Variants in TCF12 observed in about 807,000 individuals in gnomAD.
TCF12 encodes the protein DNA-binding protein HTF4.
In TCF12, 45 loss-of-function variants were observed where a neutral mutation model predicts 86.0. The observed-to-expected ratio is 0.52, with a 90% CI of 0.41 to 0.67. The LOEUF is 0.67. Ranked by LOEUF, TCF12 falls within the 30% of genes least tolerant of loss-of-function variation. The pLI is 0.00. For missense variants in TCF12, 881 were observed against 859.9 expected (o/e 1.02, Z -0.31); for synonymous variants, 330 against 299.6 (o/e 1.10, Z -1.05).
intron 3 of TCF12, among the ~76,000 whole-genome samples, chr15:57,021,979 A>G (rs993061377): frequency 6.6e-6 from 1 of 152,140 alleles, no homozygotes; most frequent in Admixed American, 6.5e-5. Flanking sequence ...GTGATTTCAA[A>G]TAGTTTAACT....
intron 3 of TCF12, among the ~76,000 whole-genome samples, chr15:57,045,374 GAA>G (rs1397199251): frequency 6.6e-6 from 1 of 152,126 alleles, no homozygotes; most frequent in Non-Finnish European, 1.5e-5. Context: ...ATGAAAGTAG[GAA>G]AAGAGTTGAT....
At chr15:56,964,144 TCTC>T (rs2061896737) in intron 3 of TCF12, among the ~76,000 whole-genome samples, 5 of 152,216 alleles carry the variant, frequency 3.3e-5, no homozygotes. Flanking sequence ...GGTTTTCTCT[TCTC>T]AAGTCTGCTG....
At chr15:56,954,712 A>T (rs140285571) in intron 3 of TCF12, among the ~76,000 whole-genome samples, 1,542 of 152,344 alleles carry the variant, frequency 0.01, 22 homozygotes, top group East Asian at 0.061. Context: ...AAGGAACTCA[A>T]ACAAATTTAC....
At chr15:57,205,812 T>C (rs2057782528) in intron 8 of TCF12, among the ~76,000 whole-genome samples, 1 of 152,212 alleles carries the variant, frequency 6.6e-6, no homozygotes, top group South Asian at 2.1e-4. Context: ...TCTAAGATGT[T>C]GATTTTTGTG....
intron 8 of TCF12, among the ~76,000 whole-genome samples, chr15:57,230,472 C>G (rs528860206): frequency 1.5e-4 from 23 of 152,068 alleles, no homozygotes; most frequent in African/African-American, 5.5e-4. Context: ...TGGCCATTTG[C>G]TAATTCAAAA....
chr15:57,011,673 C>T (rs538868063), intron 3 of TCF12, among the ~76,000 whole-genome samples: 15 of 152,210 alleles, frequency 9.9e-5, no homozygotes, highest in Admixed American at 3.3e-4. Flanking sequence ...CCCACTGTCA[C>T]CCCTAATTTG....
chr15:57,147,241 T>C lies in TCF12; in HGVS notation c.326-19161T>C, dbSNP rs566169635. On this transcript the variant is annotated intron_variant, in intron 5 of 20. Transcript: ENST00000333725. Reference sequence around the variant, plus strand: ...TCAGTACTAACAATGTAACTATATATTCAGTTATTAAGCTTATTACTTCTA... The same window carrying C: ...TCAGTACTAACAATGTAACTATATACTCAGTTATTAAGCTTATTACTTCTA... Among the ~76,000 whole-genome samples, 7 of 152,374 alleles carry C rather than the reference T, an allele frequency of 4.6e-5. 1 individual carries two copies. The South Asian group carries it at 1.4e-3, about 32-fold the overall frequency.
At chr15:57,210,670 T>G (rs2058064848) in intron 8 of TCF12, among the ~76,000 whole-genome samples, 1 of 152,176 alleles carries the variant, frequency 6.6e-6, no homozygotes, top group Non-Finnish European at 1.5e-5. Context: ...GTAATACAGT[T>G]TGAACCTTTT....
intron 12 of TCF12, among the ~76,000 whole-genome samples, chr15:57,239,650 G>A (rs1291417194): frequency 6.6e-6 from 1 of 152,092 alleles, no homozygotes; most frequent in Non-Finnish European, 1.5e-5. Flanking sequence ...TTAAAGTGGT[G>A]TCATGGCAGT....
intron 13 of TCF12, chr15:57,247,996 C>G (rs1030086125): frequency 8.3e-6 from 6 of 721,152 alleles, no homozygotes; most frequent in Admixed American, 1.9e-5. Flanking sequence ...CACCCCACCC[C>G]CACAGTGGTG....
intron 18 of TCF12, among the ~76,000 whole-genome samples, chr15:57,271,066 G>A (rs1216563238): frequency 2.0e-5 from 3 of 152,196 alleles, no homozygotes; most frequent in African/African-American, 4.8e-5. Context: ...ATCAGAGCTC[G>A]AATGCCATGC....
At chr15:57,170,790 T>A (rs866791855) in intron 6 of TCF12, among the ~76,000 whole-genome samples, 9 of 26,322 alleles carry the variant, frequency 3.4e-4, no homozygotes, top group South Asian at 1.1e-3. Context: ...TATATATATA[T>A]AATATATATA....
At chr15:57,062,112 A>G (rs1362429269) in intron 3 of TCF12, among the ~76,000 whole-genome samples, 3 of 151,986 alleles carry the variant, frequency 2.0e-5, no homozygotes, top group African/African-American at 4.8e-5. Context: ...GCCCGCCACC[A>G]CACCTGGCTA....
chr15:57,246,567 GTC>G (rs566411133), intron 13 of TCF12, among the ~76,000 whole-genome samples: 1 of 151,162 alleles, frequency 6.6e-6, no homozygotes, highest in African/African-American at 2.4e-5. Context: ...AAAAAAGACC[GTC>G]TCTCTTTTTT....
chr15:57,124,092 G>A (rs2414496), intron 5 of TCF12, among the ~76,000 whole-genome samples: 6,079 of 151,568 alleles, frequency 0.04, 370 homozygotes, highest in Admixed American at 0.17. Context: ...TGGGATTATA[G>A]ATGTGAGCCA....
At chr15:57,241,156 C>T (rs1009814727) in intron 12 of TCF12, among the ~76,000 whole-genome samples, 1 of 151,684 alleles carries the variant, frequency 6.6e-6, no homozygotes, top group Non-Finnish European at 1.5e-5. Context: ...TGCAGTGGCT[C>T]GATCTCGGCT....
rs112042046 is a variant in TCF12, at chr15:57,265,336, A to C, written c.1745+2062A>C. ...TCCGGTTTCTTCCTTCACCCCAAAA[A>C]TGTGCGTATTAGGTTGAGTAATGTG... On this transcript the variant is annotated intron_variant, in intron 18 of 20. Transcript: ENST00000333725. 1.2e-4 allele frequency among the ~76,000 whole-genome samples: 18 copies of C among 151,960 alleles called. 1 individual carries two copies. The highest frequency in any genetic ancestry group is 4.3e-4 in the African/African-American group (18 of 41,466).
At chr15:57,253,593 T>C in intron 16 of TCF12, 125 bp downstream of exon 16, 2 of 1,123,590 alleles carry the variant, frequency 1.8e-6, no homozygotes, top group Non-Finnish European at 2.5e-6. Context: ...CAGAATTTTC[T>C]TTACTGTCTT....
At chr15:56,972,385 T>C (rs1417356355) in intron 3 of TCF12, among the ~76,000 whole-genome samples, 2 of 152,226 alleles carry the variant, frequency 1.3e-5, no homozygotes, top group African/African-American at 4.8e-5. Context: ...AACCTAGTTG[T>C]CAGTACATAG....
Sources: gnomAD v4.1 joint callset for allele counts (sites outside exome capture counted in the v4.1 genomes callset) on GRCh38, gnomAD v4.1.1 for gene constraint, MANE v1.5 for transcripts, NCBI Gene and HGNC (gene_info 2026-07-23, HGNC 2026-07-21) for gene names.